The following TLCD4 variants were observed in gnomAD, a reference collection of about 807,000 sequenced individuals.
TLCD4 encodes TLC domain containing 4, also known as TLC domain-containing protein 4.
A neutral mutation model predicts 24.2 loss-of-function variants in TLCD4; 7 were observed. The ratio of observed to expected loss-of-function variants is 0.29; its 90% CI spans 0.16 to 0.54. The LOEUF (loss-of-function observed/expected upper bound fraction) is 0.54. TLCD4 is among the 20% of genes least tolerant of loss of function. The pLI is 0.95. For missense variants in TLCD4, 259 were observed against 313.9 expected, an observed-to-expected ratio of 0.82 and a Z score of 1.32; for synonymous variants, 103 against 106.4, an observed-to-expected ratio of 0.97 and a Z score of 0.20.
At chr1:95,145,915 C>T (rs1360282489) in intron 2 of TLCD4, among the ~76,000 whole-genome samples, 1 of 152,176 alleles carries the variant, frequency 6.6e-6, no homozygotes, top group Non-Finnish European at 1.5e-5. Flanking sequence ...TTTAGGTATT[C>T]AGTGGTGTTT....
At chr1:95,144,692 T>C (rs1469378358) in intron 2 of TLCD4, among the ~76,000 whole-genome samples, 2 of 151,868 alleles carry the variant, frequency 1.3e-5, no homozygotes, top group Non-Finnish European at 2.9e-5. Context: ...TTATTTTATT[T>C]GTTTATTTAT....
At chr1:95,183,590 G>T (rs1678721720) in intron 6 of TLCD4, among the ~76,000 whole-genome samples, 1 of 152,196 alleles carries the variant, frequency 6.6e-6, no homozygotes, top group Non-Finnish European at 1.5e-5. Flanking sequence ...TGTAATCCCA[G>T]CATTTTGGGA....
At chr1:95,164,642 G>T (rs986656322) in intron 5 of TLCD4, 1 of 152,082 alleles carries the variant, frequency 6.6e-6, no homozygotes, top group African/African-American at 2.4e-5. Context: ...GCCACCTCTT[G>T]ATACTTTTAA....
intron 6 of TLCD4, among the ~76,000 whole-genome samples, chr1:95,191,099 T>C (rs1217712083): frequency 6.6e-6 from 1 of 152,252 alleles, no homozygotes; most frequent in Non-Finnish European, 1.5e-5. Flanking sequence ...TTTTATAGTT[T>C]TGCATTTTAC....
intron 2 of TLCD4, among the ~76,000 whole-genome samples, chr1:95,146,542 CT>C (rs1169612750): frequency 6.6e-6 from 1 of 151,754 alleles, no homozygotes; most frequent in Admixed American, 6.6e-5. Flanking sequence ...TTTCCACCCT[CT>C]TTGAAAAAAA....
intron 1 of TLCD4, among the ~76,000 whole-genome samples, chr1:95,141,886 C>T (rs1431292532): frequency 2.0e-5 from 3 of 151,170 alleles, no homozygotes; most frequent in African/African-American, 4.9e-5. Context: ...GGAAGGGGCC[C>T]TGTGGGAGAT....
In TLCD4 at chr1:95,139,208, G is replaced by A. The variant is rs567177830; in HGVS notation, c.-11-4683G>A. 2.7e-4 allele frequency among the ~76,000 whole-genome samples: 38 copies of A among 142,952 alleles called. 1 individual carries two copies. The South Asian group carries it at 8.7e-3, about 33-fold the overall frequency. 93.8% of individuals were successfully genotyped at this position (142,952 alleles called of 152,430 possible). A position where few individuals can be genotyped will look rare whatever the true frequency, so the allele number is the denominator to read the frequency against. ...AAAAAAAAAAAAAAAGATAAAAAAT[G>A]TTACACCACCTCTGTGGAGCAATTA... is the stretch of plus-strand genomic sequence containing the variant. On this transcript the variant is annotated intron_variant, in intron 1 of 6. Coordinates refer to ENST00000370203, the MANE Select transcript of TLCD4 (RefSeq NM_152487.3).
At chr1:95,178,391 C>A (rs7541100) in intron 6 of TLCD4, among the ~76,000 whole-genome samples, 49,857 of 151,886 alleles carry the variant, frequency 0.33, 9,908 homozygotes, top group East Asian at 0.62. Flanking sequence ...TCCTGAGTAG[C>A]TGGGATTACA....
At chr1:95,150,140 A>C in intron 3 of TLCD4, 68 bp from the exon 4 acceptor site, 1 of 1,524,836 alleles carries the variant, frequency 6.6e-7, no homozygotes, top group Non-Finnish European at 8.8e-7. Context: ...TTAAATCTCT[A>C]TAGAAAAAAG....
intron 5 of TLCD4, among the ~76,000 whole-genome samples, chr1:95,157,706 CG>C (rs1557687420): frequency 1.3e-5 from 2 of 152,132 alleles, no homozygotes; most frequent in African/African-American, 4.8e-5. Flanking sequence ...GTGGTCCTTC[CG>C]TGTAGCTTGG....
At chr1:95,146,603 T>C (rs562168735) in intron 2 of TLCD4, among the ~76,000 whole-genome samples, 17 of 152,282 alleles carry the variant, frequency 1.1e-4, no homozygotes, top group African/African-American at 3.1e-4. Flanking sequence ...TTTTAGATAC[T>C]AAGGAATCTA....
chr1:95,101,536 G>A, the TLCD4 span, among the ~76,000 whole-genome samples: 1 of 151,568 alleles, frequency 6.6e-6, no homozygotes, highest in Non-Finnish European at 1.5e-5. Flanking sequence ...GCCTCCCAAG[G>A]TGTTGGGAGC....
At chr1:95,136,613 A>C (rs1677049177) in intron 1 of TLCD4, among the ~76,000 whole-genome samples, 1 of 152,206 alleles carries the variant, frequency 6.6e-6, no homozygotes, top group Non-Finnish European at 1.5e-5. Context: ...ATTAATTTAC[A>C]TGCTGCTTCT....
chr1:95,123,272 A>G (rs955668929), intron 1 of TLCD4, among the ~76,000 whole-genome samples: 2 of 152,140 alleles, frequency 1.3e-5, no homozygotes, highest in Non-Finnish European at 2.9e-5. Context: ...TTCCCTTTTC[A>G]TATTTTTTAA....
rs909363588 is a variant in TLCD4, at chr1:95,152,356, T to TG, written c.399+944dup. ...ACAAAAATAATAATAATTATAATTT[T>TG]GGGGGGGTAAATGATCATGAAATTC... On this transcript the variant is annotated intron_variant, in intron 5 of 6. Coordinates refer to ENST00000370203, the MANE Select transcript of TLCD4 (RefSeq NM_152487.3). Among the ~76,000 whole-genome samples, 10 of 152,060 alleles carry TG rather than the reference T, an allele frequency of 6.6e-5. No homozygotes were observed. The South Asian group carries it at 8.3e-4, about 13-fold the overall frequency.
At chr1:95,113,583 G>A (rs776294447), upstream of TLCD4, among the ~76,000 whole-genome samples, 18 of 152,142 alleles carry the variant, frequency 1.2e-4, no homozygotes, top group Non-Finnish European at 2.4e-4. Context: ...AAGCAGGGCC[G>A]GGGGCTGATG....
the TLCD4 span, among the ~76,000 whole-genome samples, chr1:95,105,893 T>TCAAAAAAAAAAAAAAAAAAAA: frequency 1.2e-4 from 12 of 102,876 alleles, 1 homozygote; most frequent in Admixed American, 5.5e-4. Context: ...AGACTCCGTC[T>TCAAAAAAAAAAAAAAAAAAAA]TAAAAAAAAA....
At chr1:95,188,164 G>T (rs1006815024) in intron 6 of TLCD4, among the ~76,000 whole-genome samples, 1 of 152,070 alleles carries the variant, frequency 6.6e-6, no homozygotes, top group African/African-American at 2.4e-5. Context: ...GAGGCGGGTG[G>T]ATCACAAGGT....
At chr1:95,119,695 G>C (rs1016927350) in intron 1 of TLCD4, among the ~76,000 whole-genome samples, 1 of 152,036 alleles carries the variant, frequency 6.6e-6, no homozygotes, top group Non-Finnish European at 1.5e-5. Context: ...TCTCCTCTTT[G>C]GTGCTCTAAA....
Sources: allele counts gnomAD v4.1 joint callset (sites outside exome capture counted in the v4.1 genomes callset), GRCh38; gene constraint gnomAD v4.1.1; transcripts MANE v1.5; gene names NCBI Gene and HGNC (gene_info 2026-07-23, HGNC 2026-07-21).